Variants in SNX21 observed in about 807,000 individuals in gnomAD.
The protein encoded by SNX21 is sorting nexin family member 21, also known as sorting nexin-21.
SNX21 carries 36 observed loss-of-function variants against 30.9 expected under a neutral mutation model. The observed-to-expected ratio is 1.16, with a 90% confidence interval of 0.89 to 1.54. SNX21 has a LOEUF of 1.54. Among genes scored for constraint, SNX21 ranks in the 40% most tolerant of loss-of-function variants. The probability of loss-of-function intolerance (pLI) is 0.00; values close to 1 mark genes in which losing one functional copy is unlikely to be tolerated. For missense variants in SNX21, 508 were observed against 516.5 expected, an observed-to-expected ratio of 0.98 and a Z score of 0.16; for synonymous variants, 218 against 222.7, an observed-to-expected ratio of 0.98 and a Z score of 0.19.
At position 45,840,757 on chromosome 20, in the gene SNX21, C is replaced by T; in HGVS notation, c.566C>T (p.Pro189Leu). Residue 189 changes from proline to leucine, a missense_variant, in exon 4 of 4, where the codon CCA (proline) becomes CTA (leucine). Transcript: ENST00000491381. The stretch of plus-strand genomic sequence containing the variant: ...AACCTGCAGCGGCAATTCCGGGGCC[C>T]AATGGCTGCCATCTCCTTCCCCCGT... ...HRNLQRQFRG[P>L]MAAISFPRKR... 6.2e-7 allele frequency: 1 copy of T among 1,614,176 alleles called. No individual in the cohort carries two copies. The highest frequency in any genetic ancestry group is 8.5e-7 in the Non-Finnish European group (1 of 1,180,050).
At position 45,840,626 on chromosome 20, in the gene SNX21, A is replaced by T; in HGVS notation, c.448-13A>T. On this transcript the variant is annotated splice_polypyrimidine_tract_variant and intron_variant, in intron 3 of 3. Coordinates refer to ENST00000491381, the MANE Select transcript of SNX21 (RefSeq NM_033421.4). ...ACAACTTGCATTTGCCCTGACACCC[A>T]CCCTCCCTGCAGCTCTACACCCTCG... The T allele has an allele frequency of 2.5e-6, 4 of 1,611,680 alleles. No homozygotes were observed. Among genetic ancestry groups the T allele is most frequent in the Admixed American group, 1.7e-5 (1 of 59,806 alleles).
rs547874769 is a variant in SNX21, at chr20:45,834,376, C to CCGAGGACGA, written c.216_224dup (p.Asp72_Asp74dup). 3.2e-4 allele frequency: 519 copies of CCGAGGACGA among 1,604,366 alleles called. 2 individuals are homozygous for CCGAGGACGA. The highest frequency in any genetic ancestry group is 1.6e-3 in the South Asian group (148 of 90,052). On this transcript the variant is annotated inframe_insertion, in exon 2 of 4. Transcript: ENST00000491381. ...AGCGGCACCCTCAGCTTCACCAGCG[C>CCGAGGACGA]CGAGGACGACGAGGACGACGAGGAC...
Position 45,841,592 on chromosome 20 carries a change from C to T in SNX21, c.*279C>T. The stretch of plus-strand genomic sequence containing the variant: ...GTGGCACAGGTTGGGGCAATGTTCC[C>T]TTGTTGGTGGGCCCCCAAGCTGGCA... On this transcript the variant is annotated 3_prime_UTR_variant, in exon 4 of 4. Coordinates refer to ENST00000491381, the MANE Select transcript of SNX21 (RefSeq NM_033421.4). 7.1e-7 allele frequency: 1 copy of T among 1,400,924 alleles called. No homozygotes were observed. The highest frequency in any genetic ancestry group is 9.2e-7 in the Non-Finnish European group (1 of 1,085,568). The allele number at this position is 1,400,924 out of a possible 1,614,324, so 86.8% of individuals were successfully genotyped here.
rs375995503 is a variant in SNX21 at position 45,840,705 on chromosome 20, T to A, written c.514T>A (p.Tyr172Asn). 6.2e-6 allele frequency: 10 copies of A among 1,614,056 alleles called. No homozygotes were observed. The highest frequency in any genetic ancestry group is 8.5e-6 in the Non-Finnish European group (10 of 1,180,040). The change falls in exon 4 of 4, where the codon TAC becomes AAC. Residue 172 changes from tyrosine (Y) to asparagine (N), a missense_variant. Tyr to Asn is a moderately radical substitution (Grantham distance 143, BLOSUM62 -2). Transcript: ENST00000491381. ...DCQPAQISRR[Y>N]SDFERLHRNL... Reference sequence around the variant, plus strand: ...CCAGCCAGCCCAGATCTCTCGCCGTTACTCGGACTTTGAGCGGCTGCACCG... The same window carrying A: ...CCAGCCAGCCCAGATCTCTCGCCGTAACTCGGACTTTGAGCGGCTGCACCG...
In SNX21 at chr20:45,841,620, G is replaced by T. The variant is rs557301163; in HGVS notation, c.*307G>T. 1.1e-5 allele frequency: 15 copies of T among 1,405,126 alleles called. No individual in the cohort carries two copies. The highest frequency in any genetic ancestry group is 8.3e-5 in the South Asian group (5 of 60,076). The allele number at this position is 1,405,126 out of a possible 1,614,324, so 87.0% of individuals were successfully genotyped here. A position where few individuals can be genotyped will look rare whatever the true frequency, so the allele number is the denominator to read the frequency against. On this transcript the variant is annotated 3_prime_UTR_variant, in exon 4 of 4. Coordinates refer to ENST00000491381, the MANE Select transcript of SNX21 (RefSeq NM_033421.4). ...GTTGGTGGGCCCCCAAGCTGGCAAGGCCTCTTGGCTGAAGGCCAGGGACTC... is the reference window on the plus strand; with the variant it reads ...GTTGGTGGGCCCCCAAGCTGGCAAGTCCTCTTGGCTGAAGGCCAGGGACTC...
intron 3 of SNX21, among the ~76,000 whole-genome samples, chr20:45,836,771 G>T (rs1255254300): frequency 6.6e-6 from 1 of 152,134 alleles, no homozygotes; most frequent in African/African-American, 2.4e-5. Flanking sequence ...GGTGACTGTG[G>T]GTACCTGGAT....
chr20:45,841,334 C>T lies in SNX21; in HGVS notation c.*21C>T. On this transcript the variant is annotated 3_prime_UTR_variant, in exon 4 of 4. Transcript: ENST00000491381. ...ACTAACCCTTGCCTAGATTTAAGGC[C>T]ACTGTGAGGAGAGGGGTTGCCCCAG... is the stretch of plus-strand genomic sequence containing the variant. 6.6e-7 allele frequency: 1 copy of T among 1,524,924 alleles called. No homozygotes were observed. The highest frequency in any genetic ancestry group is 8.8e-7 in the Non-Finnish European group (1 of 1,138,122). 94.5% of individuals were successfully genotyped at this position (1,524,924 alleles called of 1,614,324 possible).
chr20:45,838,910 T>G (rs994979574), intron 3 of SNX21, among the ~76,000 whole-genome samples: 12 of 151,692 alleles, frequency 7.9e-5, no homozygotes, highest in South Asian at 2.1e-4. Flanking sequence ...TTTTTTTTTT[T>G]TGAGAGAGAG....
chr20:45,834,409 A>AGGACGG lies in SNX21; in HGVS notation c.230_231insGGACGG (p.Asp77delinsGluAspGly), dbSNP rs757456244. On this transcript the variant is annotated protein_altering_variant, in exon 2 of 4. Transcript: ENST00000491381. ...GACGAGGACGACGAGGACGAGGACG[A>AGGACGG]CGAGGAGGCTGGCCCTGACCAGCTG... 6 of 1,604,470 alleles carry AGGACGG rather than the reference A, an allele frequency of 3.7e-6. No homozygotes were observed. The highest frequency in any genetic ancestry group is 5.1e-6 in the Non-Finnish European group (6 of 1,177,150).
Position 45,842,801 on chromosome 20 carries a change from TG to T in SNX21, c.*1490del. The T allele has an allele frequency of 3.0e-6, 3 of 990,842 alleles. No homozygotes were observed. The highest frequency in any genetic ancestry group is 3.6e-6 in the Non-Finnish European group (3 of 833,010). The allele number at this position is 990,842 out of a possible 1,614,324, so 61.4% of individuals were successfully genotyped here. Reference sequence around the variant, plus strand: ...GTCCTCACTTCAAGGTTATCAATCTTGGATTGTGATGCTATTGGTACTTGAG... The same window carrying T: ...GTCCTCACTTCAAGGTTATCAATCTTGATTGTGATGCTATTGGTACTTGAG... On this transcript the variant is annotated 3_prime_UTR_variant, in exon 4 of 4. Coordinates refer to ENST00000491381, the MANE Select transcript of SNX21 (RefSeq NM_033421.4).
Position 45,834,192 on chromosome 20 carries a change from T to A in SNX21, c.22-9T>A. The stretch of plus-strand genomic sequence containing the variant: ...GGATCCGGTACACAGCGTCGCGCGC[T>A]CCCCCCAGGGTGCCATGGCCTCCCG... On this transcript the variant is annotated splice_polypyrimidine_tract_variant and intron_variant, in intron 1 of 3. Coordinates refer to ENST00000491381, the MANE Select transcript of SNX21 (RefSeq NM_033421.4). The A allele has an allele frequency of 6.7e-7, 1 of 1,486,348 alleles. No homozygotes were observed. Among genetic ancestry groups the A allele is most frequent in the Non-Finnish European group, 8.9e-7 (1 of 1,128,018 alleles). 92.1% of individuals were successfully genotyped at this position (1,486,348 alleles called of 1,614,324 possible). A position where few individuals can be genotyped will look rare whatever the true frequency, so the allele number is the denominator to read the frequency against.
chr20:45,841,187 C>T lies in SNX21; in HGVS notation c.996C>T (p.Leu332=). The T allele has an allele frequency of 6.2e-7, 1 of 1,613,952 alleles. No homozygotes were observed. The highest frequency in any genetic ancestry group is 8.5e-7 in the Non-Finnish European group (1 of 1,180,010). The change falls in exon 4 of 4, where the codon CTC becomes CTT. Residue 332 remains leucine (L), a synonymous_variant. Coordinates refer to ENST00000491381, the MANE Select transcript of SNX21 (RefSeq NM_033421.4). ...CCTTTCTGGAGGCCCATGTCCGGCTCTCCTGGCGCCTGGGCCTGGACAAAC... is the reference window on the plus strand; with the variant it reads ...CCTTTCTGGAGGCCCATGTCCGGCTTTCCTGGCGCCTGGGCCTGGACAAAC... ...LAPFLEAHVR[L]SWRLGLDKRQ... is the part of the protein sequence containing the mutation.
At chr20:45,836,248 A>T (rs1983517757) in intron 3 of SNX21, among the ~76,000 whole-genome samples, 1 of 152,182 alleles carries the variant, frequency 6.6e-6, no homozygotes, top group South Asian at 2.1e-4. Flanking sequence ...CTGTAATCCC[A>T]GCACTTTGGG....
In SNX21 at chr20:45,840,786, C is replaced by T. The variant is rs561306037; in HGVS notation, c.595C>T (p.Arg199Trp). The change falls in exon 4 of 4, where the codon CGG becomes TGG. Residue 199 changes from arginine to tryptophan, a missense_variant. Coordinates refer to ENST00000491381, the MANE Select transcript of SNX21 (RefSeq NM_033421.4). ...GGCTGCCATCTCCTTCCCCCGTAAG[C>T]GGCTGCGCCGGAATTTTACTGCAGA... Reference protein sequence around the residue: ...PMAAISFPRKRLRRNFTAETI... With the variant: ...PMAAISFPRKWLRRNFTAETI... 1.2e-5 allele frequency: 19 copies of T among 1,614,020 alleles called. No individual in the cohort carries two copies. Among genetic ancestry groups the T allele is most frequent in the South Asian group, 4.4e-5 (4 of 91,090 alleles).
At chr20:45,836,233 C>T (rs1983516146) in intron 3 of SNX21, among the ~76,000 whole-genome samples, 1 of 152,108 alleles carries the variant, frequency 6.6e-6, no homozygotes, top group Admixed American at 6.5e-5. Flanking sequence ...CGTGGTGGCT[C>T]ACGCCTGTAA....
At position 45,841,777 on chromosome 20, in the gene SNX21, G is replaced by C. The variant is rs1293419875; in HGVS notation, c.*464G>C. 1 of 1,510,810 alleles carries C rather than the reference G, an allele frequency of 6.6e-7. No individual in the cohort carries two copies. The highest frequency in any genetic ancestry group is 8.8e-7 in the Non-Finnish European group (1 of 1,137,480). The allele number at this position is 1,510,810 out of a possible 1,614,324, so 93.6% of individuals were successfully genotyped here. On this transcript the variant is annotated 3_prime_UTR_variant, in exon 4 of 4. Coordinates refer to ENST00000491381, the MANE Select transcript of SNX21 (RefSeq NM_033421.4). ...AGGGCCAAAAGGGACTGTAACTCCT[G>C]TCTCAGGAATGGGGATAGATGGGAG...
At position 45,841,762 on chromosome 20, in the gene SNX21, G is replaced by A; in HGVS notation, c.*449G>A. ...TCTTTATTGGATGTGAGGGCCAAAA[G>A]GGACTGTAACTCCTGTCTCAGGAAT... On this transcript the variant is annotated 3_prime_UTR_variant, in exon 4 of 4. Transcript: ENST00000491381. 5 of 1,480,312 alleles carry A rather than the reference G, an allele frequency of 3.4e-6. No homozygotes were observed. The highest frequency in any genetic ancestry group is 3.6e-6 in the Non-Finnish European group (4 of 1,123,178). 91.7% of individuals were successfully genotyped at this position (1,480,312 alleles called of 1,614,324 possible). A position where few individuals can be genotyped will look rare whatever the true frequency, so the allele number is the denominator to read the frequency against.
chr20:45,841,551 A>G lies in SNX21; in HGVS notation c.*238A>G. On this transcript the variant is annotated 3_prime_UTR_variant, in exon 4 of 4. Transcript: ENST00000491381. The stretch of plus-strand genomic sequence containing the variant: ...GTCTGACACAGCCTCTCCAGCCTAT[A>G]AACAGCCGGGGGGCTGTGGCACAGG... The G allele has an allele frequency of 1.4e-6, 2 of 1,388,798 alleles. No homozygotes were observed. Among genetic ancestry groups the G allele is most frequent in the East Asian group, 2.7e-5 (1 of 37,358 alleles). 86.0% of individuals were successfully genotyped at this position (1,388,798 alleles called of 1,614,324 possible).
chr20:45,834,030 G>T, intron 1 of SNX21, 90 bp downstream of exon 1: 3 of 1,419,742 alleles, frequency 2.1e-6, no homozygotes, highest in East Asian at 5.4e-5. Context: ...TGGGTTGGGG[G>T]GAAAGCGATG....
Sources: allele counts gnomAD v4.1 joint callset (sites outside exome capture counted in the v4.1 genomes callset), GRCh38; gene constraint gnomAD v4.1.1; transcripts MANE v1.5; gene names NCBI Gene and HGNC (gene_info 2026-07-23, HGNC 2026-07-21).